The following FKTN variants were observed in gnomAD, a reference collection of about 807,000 sequenced individuals.
FKTN encodes ribitol-5-phosphate transferase FKTN.
A neutral mutation model predicts 58.6 loss-of-function variants in FKTN; 47 were observed. That is an observed-to-expected ratio of 0.80 (90% CI 0.63 to 1.02). FKTN has a LOEUF of 1.02. Ranked by LOEUF, FKTN falls within the 50% of genes least tolerant of loss-of-function variation. The probability of loss-of-function intolerance (pLI) is 0.00; values close to 1 mark genes in which losing one functional copy is unlikely to be tolerated. For missense variants in FKTN, 516 were observed against 537.3 expected, an observed-to-expected ratio of 0.96 and a Z score of 0.39; for synonymous variants, 178 against 191.9, an observed-to-expected ratio of 0.93 and a Z score of 0.60.
intron 4 of FKTN, among the ~76,000 whole-genome samples, chr9:105,598,986 C>A (rs1002497957): frequency 6.6e-6 from 1 of 151,780 alleles, no homozygotes; most frequent in Non-Finnish European, 1.5e-5. Context: ...AAATTTTAAA[C>A]TTCTAGTCAT....
At chr9:105,565,476 A>T (rs1035820961) in intron 1 of FKTN, among the ~76,000 whole-genome samples, 1 of 152,182 alleles carries the variant, frequency 6.6e-6, no homozygotes, top group African/African-American at 2.4e-5. Flanking sequence ...AATGGAAAAC[A>T]AAAAAAGGTA....
chr9:105,567,829 G>A (rs189490587), intron 1 of FKTN, among the ~76,000 whole-genome samples: 1 of 152,320 alleles, frequency 6.6e-6, no homozygotes, highest in East Asian at 1.9e-4. Context: ...AGCCCGCCTT[G>A]CCAAGTCAAT....
chr9:105,615,449 G>T (rs764158221), intron 8 of FKTN, 42 bp downstream of exon 8: 3 of 1,605,466 alleles, frequency 1.9e-6, no homozygotes, highest in Non-Finnish European at 8.5e-7. Context: ...CTGTCATTTT[G>T]TCCTCTGGCT....
chr9:105,630,543 A>C (rs912523761), intron 10 of FKTN, among the ~76,000 whole-genome samples: 3 of 152,296 alleles, frequency 2.0e-5, no homozygotes, highest in East Asian at 3.9e-4. Context: ...AGCTTATTTC[A>C]GGCAATAGAA....
chr9:105,597,287 A>G (rs969295994), intron 4 of FKTN, among the ~76,000 whole-genome samples: 5 of 152,170 alleles, frequency 3.3e-5, no homozygotes, highest in East Asian at 1.9e-4. Context: ...TGGCTTCTCT[A>G]TAACTAGAGA....
Position 105,604,296 on chromosome 9 carries a change from G to A in FKTN, c.451G>A (p.Asp151Asn). ...ESKDPRLDGI[D>N]SLSGTEIPLH... ...TAAAGATCCCCGGCTAGACGGGATA[G>A]ACTCACTCTCTGGAACTGAAATCCC... The change falls in exon 6 of 11, where the codon GAC becomes AAC. Residue 151 changes from aspartate to asparagine, a missense_variant. Asp to Asn is a conservative substitution (Grantham distance 23). Transcript: ENST00000357998. The A allele has an allele frequency of 6.2e-7, 1 of 1,613,660 alleles. No homozygotes were observed. The highest frequency in any genetic ancestry group is 8.5e-7 in the Non-Finnish European group (1 of 1,179,786).
rs1489215882 is a variant in FKTN, at chr9:105,636,961, CAT to C, written c.*1698_*1699del. On this transcript the variant is annotated 3_prime_UTR_variant, in exon 11 of 11. Transcript: ENST00000357998. The stretch of plus-strand genomic sequence containing the variant: ...GAATTATTGGGTCTTTCATAAATAA[CAT>C]GAGTGGTTTCTGGAGACATTTAAGA... The C allele has an allele frequency of 1.9e-6, 2 of 1,027,366 alleles. No individual in the cohort carries two copies. Among genetic ancestry groups the C allele is most frequent in the African/African-American group, 3.4e-5 (2 of 59,012 alleles). 63.6% of individuals were successfully genotyped at this position (1,027,366 alleles called of 1,614,324 possible). A position where few individuals can be genotyped will look rare whatever the true frequency, so the allele number is the denominator to read the frequency against.
At chr9:105,619,438 T>C (rs1259426498) in intron 9 of FKTN, among the ~76,000 whole-genome samples, 1 of 152,220 alleles carries the variant, frequency 6.6e-6, no homozygotes, top group Admixed American at 6.5e-5. Context: ...TTTTTTTACC[T>C]TAACTTTTAT....
In FKTN at chr9:105,615,269, T is replaced by C. The variant is rs370564232; in HGVS notation, c.781-9T>C. On this transcript the variant is annotated splice_polypyrimidine_tract_variant and intron_variant, in intron 7 of 10. Coordinates refer to ENST00000357998, the MANE Select transcript of FKTN (RefSeq NM_001079802.2). The stretch of plus-strand genomic sequence containing the variant: ...GGCTGTAATAGCTGACTATTTATTA[T>C]ATCTGTAGCAGTACCTTGATGATAA... 33 of 1,613,584 alleles carry C rather than the reference T, an allele frequency of 2.0e-5. No individual in the cohort carries two copies. The highest frequency in any genetic ancestry group is 4.0e-5 in the African/African-American group (3 of 74,936).
At chr9:105,563,187 G>A (rs144037434) in intron 1 of FKTN, among the ~76,000 whole-genome samples, 8 of 152,326 alleles carry the variant, frequency 5.3e-5, no homozygotes, top group East Asian at 1.9e-4. Context: ...CAAGATGGCC[G>A]AATAGGAACA....
chr9:105,596,307 G>C (rs1404473132), intron 3 of FKTN, among the ~76,000 whole-genome samples: 6 of 152,144 alleles, frequency 3.9e-5, no homozygotes, highest in African/African-American at 1.2e-4. Flanking sequence ...TAATTCCAAA[G>C]AGTTTGCCAT....
At chr9:105,598,534 CATA>C (rs1367149307) in intron 4 of FKTN, 4 of 152,456 alleles carry the variant, frequency 2.6e-5, no homozygotes, top group African/African-American at 7.2e-5. Flanking sequence ...ATGGTCTCAG[CATA>C]ATCTCTTTTC....
Position 105,596,621 on chromosome 9 carries a change from C to T in FKTN, c.129C>T (p.Ser43=), listed in dbSNP as rs760571628. 3 of 1,612,974 alleles carry T rather than the reference C, an allele frequency of 1.9e-6. No individual in the cohort carries two copies. The African/African-American group carries it at 4.0e-5, about 22-fold the overall frequency. ...AGAATGGAGCTGGTTTGTCAAAATCCAAAGGAAGCCGAATTGGATTTGATA... is the reference window on the plus strand; with the variant it reads ...AGAATGGAGCTGGTTTGTCAAAATCTAAAGGAAGCCGAATTGGATTTGATA... ...STKNGAGLSK[S]KGSRIGFDST... The change falls in exon 4 of 11, where the codon TCC becomes TCT. Residue 43 remains serine (S), a synonymous_variant. Transcript: ENST00000357998.
rs759808323 is a variant in FKTN, at chr9:105,604,289, C to T, written c.444C>T (p.Asp148=). The T allele has an allele frequency of 2.2e-5, 35 of 1,613,522 alleles. No homozygotes were observed. The highest frequency in any genetic ancestry group is 5.5e-5 in the South Asian group (5 of 91,048). Residue 148 remains aspartate, a synonymous_variant, in exon 6 of 11, where the codon GAC becomes GAT. Coordinates refer to ENST00000357998, the MANE Select transcript of FKTN (RefSeq NM_001079802.2). The part of the protein sequence containing the change: ...LKIESKDPRL[D]GIDSLSGTEI... ...TTGAGAGTAAAGATCCCCGGCTAGA[C>T]GGGATAGACTCACTCTCTGGAACTG... is the stretch of plus-strand genomic sequence containing the variant.
intron 3 of FKTN, among the ~76,000 whole-genome samples, chr9:105,588,387 T>C (rs2132398068): frequency 6.6e-6 from 1 of 152,352 alleles, no homozygotes; most frequent in South Asian, 2.1e-4. Flanking sequence ...TGACTTTACA[T>C]GGCATTTCTT....
intron 3 of FKTN, among the ~76,000 whole-genome samples, chr9:105,581,866 G>T (rs953202908): frequency 8.6e-4 from 131 of 152,180 alleles, no homozygotes; most frequent in Non-Finnish European, 1.7e-3. Context: ...ATATAGTCTC[G>T]TGGTGCACTG....
intron 1 of FKTN, among the ~76,000 whole-genome samples, chr9:105,569,123 A>G (rs1359755525): frequency 5.9e-5 from 9 of 152,100 alleles, no homozygotes; most frequent in African/African-American, 9.7e-5. Flanking sequence ...GGGACATCAC[A>G]CACCGGGGCC....
intron 3 of FKTN, among the ~76,000 whole-genome samples, chr9:105,576,284 A>G (rs942555567): frequency 2.0e-5 from 3 of 151,808 alleles, no homozygotes; most frequent in African/African-American, 7.3e-5. Context: ...GTCATCTAGC[A>G]TTAGGTATAT....
chr9:105,581,161 T>C (rs1842806635), intron 3 of FKTN, among the ~76,000 whole-genome samples: 1 of 149,898 alleles, frequency 6.7e-6, no homozygotes, highest in Non-Finnish European at 1.5e-5. Context: ...CCTTCTTCTC[T>C]CAGCTCGTCA....
Sources: gnomAD v4.1 joint callset for allele counts (sites outside exome capture counted in the v4.1 genomes callset) on GRCh38, gnomAD v4.1.1 for gene constraint, MANE v1.5 for transcripts, NCBI Gene and HGNC (gene_info 2026-07-23, HGNC 2026-07-21) for gene names.